CREBBP: variants seen among roughly 807,000 people sequenced by gnomAD.
The protein encoded by CREBBP is CREB-binding protein.
In CREBBP, 19 loss-of-function variants were observed where a neutral mutation model predicts 265.0. That is an observed-to-expected ratio of 0.07 (90% CI 0.05 to 0.11). CREBBP has a LOEUF of 0.11. Ranked by LOEUF, CREBBP falls within the 10% of genes least tolerant of loss-of-function variation. The pLI, the probability that CREBBP is intolerant of heterozygous loss-of-function variation, is 1.00. For missense variants in CREBBP, 2,525 were observed against 3,219.0 expected, an observed-to-expected ratio of 0.78 and a Z score of 5.22; for synonymous variants, 1,457 against 1,223.7, an observed-to-expected ratio of 1.19 and a Z score of -3.98.
chr16:3,824,184 A>G (rs2054195308), intron 2 of CREBBP, among the ~76,000 whole-genome samples: 1 of 152,242 alleles, frequency 6.6e-6, no homozygotes, highest in Non-Finnish European at 1.5e-5. Flanking sequence ...AGGGGTCCTG[A>G]CTGGGAGGCA....
Position 3,778,716 on chromosome 16 carries a change from T to G in CREBBP, c.1925A>C (p.Glu642Ala). The G allele has an allele frequency of 1.2e-6, 2 of 1,613,878 alleles. No homozygotes were observed. Among genetic ancestry groups the G allele is most frequent in the Non-Finnish European group, 1.7e-6 (2 of 1,179,786 alleles). ...GCAACCTACCCTGCTGTTGGCAGAC[T>G]CGTACATGTCCCCTTCCACTTTCTT... Reference protein sequence around the residue: ...YAKKVEGDMYESANSRDEYYH... With the variant: ...YAKKVEGDMYASANSRDEYYH... Residue 642 changes from glutamate to alanine, a missense_variant, in exon 9 of 31, where the codon GAG becomes GCG. Glu to Ala is a moderately radical substitution (Grantham distance 107). This residue lies in a region of CREBBP where 29 missense variants were observed against 99.9 expected (regional missense o/e 0.29). Coordinates refer to ENST00000262367, the MANE Select transcript of CREBBP (RefSeq NM_004380.3).
intron 2 of CREBBP, among the ~76,000 whole-genome samples, chr16:3,826,718 C>T (rs759947567): frequency 2.6e-5 from 4 of 152,078 alleles, no homozygotes; most frequent in Non-Finnish European, 5.9e-5. Flanking sequence ...GCTGAGAAAA[C>T]GTCACAATCA....
intron 16 of CREBBP, among the ~76,000 whole-genome samples, chr16:3,763,421 A>G (rs1269671307): frequency 1.3e-5 from 2 of 151,940 alleles, no homozygotes; most frequent in African/African-American, 2.4e-5. Context: ...TCAGCCTCCA[A>G]AAGTGCTGGA....
At position 3,728,426 on chromosome 16, in the gene CREBBP, T is replaced by TTGC. The variant is rs779647460; in HGVS notation, c.6618_6620dup (p.Gln2216dup). ...GCTGCTGCTGCTGTTGCTGCTGTTG[T>TTGC]TGCTGCTGCTGTTGCTGCTGCTGCT... On this transcript the variant is annotated inframe_insertion, in exon 31 of 31. Transcript: ENST00000262367. This position sits in a 1 kb window ranked among gnomAD's most constrained non-coding sequence, Gnocchi z 8.7. 48 of 1,612,288 alleles carry TTGC rather than the reference T, an allele frequency of 3.0e-5. No individual in the cohort carries two copies. In the African/African-American group the frequency reaches 5.8e-4, roughly 19 times the overall value.
chr16:3,815,126 G>A (rs1161889105), intron 2 of CREBBP, among the ~76,000 whole-genome samples: 1 of 152,172 alleles, frequency 6.6e-6, no homozygotes, highest in Non-Finnish European at 1.5e-5. Context: ...GAGCACTGTG[G>A]TCCCCCACCC....
In CREBBP at chr16:3,757,833, G is replaced by T. The variant is rs746430942; in HGVS notation, c.3585C>A (p.Ser1195=). ...FEQEIDPVMQ[S]LGYCCGRKYE... Reference sequence around the variant, plus strand: ...CCTTGCGTCCACAGCAATATCCAAGGGACTGCATGACAGGGTCAATTTCCT... The same window carrying T: ...CCTTGCGTCCACAGCAATATCCAAGTGACTGCATGACAGGGTCAATTTCCT... Residue 1195 remains serine (S), a synonymous_variant, in exon 18 of 31, where the codon TCC becomes TCA. Coordinates refer to ENST00000262367, the MANE Select transcript of CREBBP (RefSeq NM_004380.3). 1.1e-5 allele frequency: 18 copies of T among 1,614,064 alleles called. No homozygotes were observed. The highest frequency in any genetic ancestry group is 1.5e-5 in the Non-Finnish European group (18 of 1,180,040).
intron 16 of CREBBP, among the ~76,000 whole-genome samples, chr16:3,762,126 T>C (rs2052733692): frequency 6.6e-6 from 1 of 152,184 alleles, no homozygotes; most frequent in African/African-American, 2.4e-5. Flanking sequence ...ATAGGATCTG[T>C]AGCTGCCTCC....
Position 3,839,161 on chromosome 16 carries a change from T to C in CREBBP, c.798+11136A>G, listed in dbSNP as rs145496690. On this transcript the variant is annotated intron_variant, in intron 2 of 30. Transcript: ENST00000262367. Reference sequence around the variant, plus strand: ...CAAAAAAACTAAAACCCAGAGAGATTAAATAAGTTTCCCATAGCTAATAAT... The same window carrying C: ...CAAAAAAACTAAAACCCAGAGAGATCAAATAAGTTTCCCATAGCTAATAAT... 6.8e-3 allele frequency among the ~76,000 whole-genome samples: 1,036 copies of C among 152,294 alleles called. 13 individuals are homozygous for C. The highest frequency in any genetic ancestry group is 0.017 in the Middle Eastern group (5 of 294).
At chr16:3,732,429 C>A (rs533611517) in intron 28 of CREBBP, among the ~76,000 whole-genome samples, 6 of 152,186 alleles carry the variant, frequency 3.9e-5, no homozygotes, top group African/African-American at 1.4e-4. Flanking sequence ...TCAAGGCCCA[C>A]GGAGAGCAGG....
rs1395109535 is a variant in CREBBP, at chr16:3,766,537, T to A, written c.3250+1183A>T. Among the ~76,000 whole-genome samples the A allele has an allele frequency of 3.9e-5, 6 of 152,258 alleles. No individual in the cohort carries two copies. In the South Asian group the frequency reaches 1.2e-3, roughly 32 times the overall value. On this transcript the variant is annotated intron_variant, in intron 16 of 30. Transcript: ENST00000262367. Reference sequence around the variant, plus strand: ...ATATTTAAAAATTTTTCTCTTTTTTTTTTTCAGACAACAATCTCACTTTTG... The same window carrying A: ...ATATTTAAAAATTTTTCTCTTTTTTATTTTCAGACAACAATCTCACTTTTG...
rs191928389 is a variant in CREBBP at position 3,857,113 on chromosome 16, T to C, written c.86-6104A>G. 8.1e-4 allele frequency among the ~76,000 whole-genome samples: 123 copies of C among 152,312 alleles called. 3 individuals are homozygous for C. In the South Asian group the frequency reaches 0.013, roughly 16 times the overall value. On this transcript the variant is annotated intron_variant, in intron 1 of 30. Transcript: ENST00000262367. ...AACTTCACCCATCATCCTGCCACTCTCAGAGCTATCAGTTTTCATTTATGG... is the reference window on the plus strand; with the variant it reads ...AACTTCACCCATCATCCTGCCACTCCCAGAGCTATCAGTTTTCATTTATGG...
At position 3,880,012 on chromosome 16, in the gene CREBBP, A is replaced by G. The variant is rs1444739515; in HGVS notation, c.-96T>C. On this transcript the variant is annotated 5_prime_UTR_variant, in exon 1 of 31. Transcript: ENST00000262367. ...GGCCCTGCCGGCTGCGAGGGAGAGG[A>G]GCGAGCGCGGGCCGCGAGCGGGCGG... 1 of 1,100,748 alleles carries G rather than the reference A, an allele frequency of 9.1e-7. No homozygotes were observed. Among genetic ancestry groups the G allele is most frequent in the Non-Finnish European group, 1.2e-6 (1 of 848,928 alleles). 68.2% of individuals were successfully genotyped at this position (1,100,748 alleles called of 1,614,324 possible).
chr16:3,804,061 G>A (rs1024066591), intron 3 of CREBBP, among the ~76,000 whole-genome samples: 2 of 151,748 alleles, frequency 1.3e-5, no homozygotes, highest in African/African-American at 2.4e-5. Context: ...TCCAAATGGG[G>A]TGACAGTGAG....
In CREBBP at chr16:3,764,329, C is replaced by T. The variant is rs114287332; in HGVS notation, c.3250+3391G>A. Among the ~76,000 whole-genome samples the T allele has an allele frequency of 6.7e-3, 1,012 of 152,090 alleles. 13 individuals are homozygous for T. Among genetic ancestry groups the T allele is most frequent in the African/African-American group, 0.023 (953 of 41,492 alleles). ...TCTCACTCTCTCATCCAGGCTAGAA[C>T]GCACTGGCACAATCATGGTTCACTA... is the stretch of plus-strand genomic sequence containing the variant. On this transcript the variant is annotated intron_variant, in intron 16 of 30. Coordinates refer to ENST00000262367, the MANE Select transcript of CREBBP (RefSeq NM_004380.3).
rs527281934 is a variant in CREBBP at position 3,819,090 on chromosome 16, G to T, written c.799-8311C>A. ...TATGAAAACAGGGTGGCAAAGTGCG[G>T]CCTGTGGGCCAAAGGCAGCCCAATG... is the stretch of plus-strand genomic sequence containing the variant. On this transcript the variant is annotated intron_variant, in intron 2 of 30. Transcript: ENST00000262367. Among the ~76,000 whole-genome samples the T allele has an allele frequency of 4.6e-5, 7 of 152,342 alleles. No homozygotes were observed. In the East Asian group the frequency reaches 1.3e-3, roughly 29 times the overall value.
rs753595183 is a variant in CREBBP, at chr16:3,728,016, C to T, written c.7031G>A (p.Arg2344Gln). ...QIATSLSNQV[R>Q]SPAPVQSPRP... The stretch of plus-strand genomic sequence containing the variant: ...TGGAGACTGGACAGGGGCTGGAGAC[C>T]GCACCTGGTTACTAAGGGACGTGGC... The change falls in exon 31 of 31, where the codon CGG (arginine) becomes CAG (glutamine). Residue 2344 changes from arginine to glutamine, a missense_variant. By Grantham distance (43) the Arg-to-Gln change is conservative. This residue lies in a region of CREBBP where 473 missense variants were observed against 459.3 expected (regional missense o/e 1.03). Coordinates refer to ENST00000262367, the MANE Select transcript of CREBBP (RefSeq NM_004380.3). The surrounding 1 kb of genome is among the most constrained non-coding windows in gnomAD (Gnocchi z 8.7). 14 of 1,610,376 alleles carry T rather than the reference C, an allele frequency of 8.7e-6. No individual in the cohort carries two copies. The highest frequency in any genetic ancestry group is 3.3e-5 in the Admixed American group (2 of 59,892).
intron 13 of CREBBP, among the ~76,000 whole-genome samples, chr16:3,771,354 C>A (rs1322187424): frequency 6.6e-6 from 1 of 152,096 alleles, no homozygotes; most frequent in African/African-American, 2.4e-5. Flanking sequence ...CAGGCGTGAG[C>A]CACCGCGCCC....
rs572048829 is a variant in CREBBP at position 3,764,478 on chromosome 16, G to A, written c.3250+3242C>T. Among the ~76,000 whole-genome samples the A allele has an allele frequency of 8.4e-4, 128 of 151,910 alleles. 1 individual carries two copies. Among genetic ancestry groups the A allele is most frequent in the Middle Eastern group, 6.9e-3 (2 of 290 alleles). On this transcript the variant is annotated intron_variant, in intron 16 of 30. Coordinates refer to ENST00000262367, the MANE Select transcript of CREBBP (RefSeq NM_004380.3). ...TTTTGTAGAGACAGGGTCTCACTAC[G>A]TTGCCCAGGCTGGTCTTGAACGCCT...
intron 1 of CREBBP, among the ~76,000 whole-genome samples, chr16:3,866,783 T>G (rs184965687): frequency 3.2e-4 from 49 of 152,296 alleles, no homozygotes; most frequent in African/African-American, 1.1e-3. Flanking sequence ...TAGCATATCT[T>G]TCTACCCCTA....
Sources: allele counts gnomAD v4.1 joint callset (sites outside exome capture counted in the v4.1 genomes callset), GRCh38; gene constraint gnomAD v4.1.1; regional missense constraint gnomAD v4.1.1; non-coding constraint Gnocchi (gnomAD v3.1); transcripts MANE v1.5; gene names NCBI Gene and HGNC (gene_info 2026-07-23, HGNC 2026-07-21).